The following CASD1 variants were observed in gnomAD, a reference collection of about 807,000 sequenced individuals.
CASD1 encodes the protein N-acetylneuraminate (7)9-O-acetyltransferase.
CASD1 carries 41 observed loss-of-function variants against 100.0 expected under a neutral mutation model. The ratio of observed to expected loss-of-function variants is 0.41; its 90% CI spans 0.32 to 0.53. The LOEUF is 0.53. Ranked by LOEUF, CASD1 falls within the 20% of genes least tolerant of loss-of-function variation. The probability of loss-of-function intolerance (pLI) is 0.25; values close to 1 mark genes in which losing one functional copy is unlikely to be tolerated. For synonymous variants in CASD1, 321 were observed against 315.6 expected, an observed-to-expected ratio of 1.02 and a Z score of -0.18; for missense variants, 774 against 948.7, an observed-to-expected ratio of 0.82 and a Z score of 2.42.
At chr7:94,535,919 T>C (rs991000807) in intron 8 of CASD1, among the ~76,000 whole-genome samples, 10 of 152,170 alleles carry the variant, frequency 6.6e-5, no homozygotes, top group Non-Finnish European at 1.3e-4. Flanking sequence ...ATACACTTCT[T>C]AATGCTGAAA....
rs1277887726 is a variant in CASD1, at chr7:94,510,122, TCAAC to T, written c.41_44del (p.Asn14ThrfsTer5). 6.5e-7 allele frequency: 1 copy of T among 1,529,908 alleles called. No individual in the cohort carries two copies. Among genetic ancestry groups the T allele is most frequent in the East Asian group, 2.6e-5 (1 of 39,172 alleles). The allele number at this position is 1,529,908 out of a possible 1,614,324, so 94.8% of individuals were successfully genotyped here. A position where few individuals can be genotyped will look rare whatever the true frequency, so the allele number is the denominator to read the frequency against. ...GCCTACAACCTGGGCAAGCGGGAGA[TCAAC>T]CACTACTTCAGCGTGAGGAGCGCCA... is the stretch of plus-strand genomic sequence containing the variant. On this transcript the variant is annotated frameshift_variant, in exon 1 of 18. Coordinates refer to ENST00000297273, the MANE Select transcript of CASD1 (RefSeq NM_022900.5). LOFTEE classifies it high-confidence loss of function.
chr7:94,517,767 T>C (rs1794049729), intron 2 of CASD1, 111 bp downstream of exon 2: 2 of 668,094 alleles, frequency 3.0e-6, no homozygotes, highest in African/African-American at 3.6e-5. Context: ...AGAGACTTGC[T>C]GACTGAGTGT....
chr7:94,597,760 G>A, the CASD1 span: 1 of 152,238 alleles, frequency 6.6e-6, no homozygotes, highest in Non-Finnish European at 1.5e-5. Flanking sequence ...TGTAATCCCA[G>A]TACTTTGGAG....
chr7:94,612,597 A>G, the CASD1 span, among the ~76,000 whole-genome samples: 1 of 152,202 alleles, frequency 6.6e-6, no homozygotes, highest in Non-Finnish European at 1.5e-5. Flanking sequence ...AGTTATAAAT[A>G]ATATTACAAA....
the CASD1 span, chr7:94,619,118 C>A: frequency 3.2e-6 from 2 of 634,016 alleles, no homozygotes. Context: ...GAGGATGTAT[C>A]TAAAAACATA....
chr7:94,620,685 T>G, the CASD1 span: 2 of 152,244 alleles, frequency 1.3e-5, no homozygotes, highest in Non-Finnish European at 2.9e-5. Context: ...TATCTAAAAC[T>G]TTTTTCTTAT....
the CASD1 span, among the ~76,000 whole-genome samples, chr7:94,631,216 G>C: frequency 6.6e-6 from 1 of 151,806 alleles, no homozygotes; most frequent in Non-Finnish European, 1.5e-5. Flanking sequence ...CAAGAACAAT[G>C]TACTTACCAG....
Position 94,545,716 on chromosome 7 carries a change from T to G in CASD1, c.1633+15T>G. The G allele has an allele frequency of 6.6e-7, 1 of 1,510,512 alleles. No individual in the cohort carries two copies. The highest frequency in any genetic ancestry group is 9.0e-7 in the Non-Finnish European group (1 of 1,109,596). The allele number at this position is 1,510,512 out of a possible 1,614,324, so 93.6% of individuals were successfully genotyped here. A position where few individuals can be genotyped will look rare whatever the true frequency, so the allele number is the denominator to read the frequency against. ...AAAAGCAAACGGTAAATATACTTTC[T>G]TACTAATGTTAGTAAATATATTTTT... On this transcript the variant is annotated intron_variant, in intron 12 of 17. Coordinates refer to ENST00000297273, the MANE Select transcript of CASD1 (RefSeq NM_022900.5).
the CASD1 span, chr7:94,598,423 TAATATCTCTAAA>T: frequency 1.5e-5 from 4 of 259,462 alleles, no homozygotes; most frequent in African/African-American, 4.6e-5. Flanking sequence ...CAAATAATTC[TAATATCTCTAAA>T]AATAATCAAT....
chr7:94,559,491 C>T (rs1254081520), downstream of CASD1, among the ~76,000 whole-genome samples: 2 of 152,016 alleles, frequency 1.3e-5, no homozygotes, highest in African/African-American at 4.8e-5. Flanking sequence ...TGACATTTTA[C>T]ATCTTAGTAA....
chr7:94,560,370 G>C (rs560810680), downstream of CASD1, among the ~76,000 whole-genome samples: 30 of 152,294 alleles, frequency 2.0e-4, no homozygotes, highest in Admixed American at 4.6e-4. Context: ...CTGTCACTGG[G>C]AGAGACAAAG....
At chr7:94,629,330 A>G in the CASD1 span, 1 of 169,914 alleles carries the variant, frequency 5.9e-6, no homozygotes, top group East Asian at 1.6e-4. Context: ...AAAAGCTCTT[A>G]CCTAATGCCA....
At chr7:94,575,579 T>G in the CASD1 span, among the ~76,000 whole-genome samples, 1 of 152,198 alleles carries the variant, frequency 6.6e-6, no homozygotes, top group African/African-American at 2.4e-5. Context: ...AGTGTTGAGT[T>G]CATGTCCTGA....
At chr7:94,628,477 T>C in the CASD1 span, 1 of 750,398 alleles carries the variant, frequency 1.3e-6, no homozygotes, top group Non-Finnish European at 2.2e-6. Flanking sequence ...GCCAACTAAA[T>C]ACACACATAC....
the CASD1 span, chr7:94,598,875 A>T: frequency 6.2e-7 from 1 of 1,613,234 alleles, no homozygotes; most frequent in Non-Finnish European, 8.5e-7. Context: ...GGAAGCGTTG[A>T]CAGGGGCCAT....
intron 10 of CASD1, 91 bp from the exon 11 acceptor site, chr7:94,544,320 C>A: frequency 6.9e-7 from 1 of 1,449,116 alleles, no homozygotes. Context: ...TGCTAATAAT[C>A]ATTTATTATC....
At chr7:94,534,065 C>T (rs190542965) in intron 7 of CASD1, among the ~76,000 whole-genome samples, 156 of 150,730 alleles carry the variant, frequency 1.0e-3, no homozygotes, top group Non-Finnish European at 1.6e-3. Flanking sequence ...AAGTCCTAAA[C>T]GCAAATGACA....
At chr7:94,570,649 C>T in the CASD1 span, among the ~76,000 whole-genome samples, 1 of 152,184 alleles carries the variant, frequency 6.6e-6, no homozygotes, top group South Asian at 2.1e-4. Context: ...CGTGCACCAC[C>T]ATGCCCAGTT....
At chr7:94,528,344 T>C in intron 5 of CASD1, 94 bp downstream of exon 5, 4 of 858,354 alleles carry the variant, frequency 4.7e-6, no homozygotes, top group Non-Finnish European at 7.1e-6. Flanking sequence ...TGTCCCACTC[T>C]CCTATATTTT....
Sources: allele counts gnomAD v4.1 joint callset (sites outside exome capture counted in the v4.1 genomes callset), GRCh38; gene constraint gnomAD v4.1.1; transcripts MANE v1.5; gene names NCBI Gene and HGNC (gene_info 2026-07-23, HGNC 2026-07-21).